Variants in NOS1AP observed in about 807,000 individuals in gnomAD.
NOS1AP encodes the protein carboxyl-terminal PDZ ligand of neuronal nitric oxide synthase protein.
A neutral mutation model predicts 56.2 loss-of-function variants in NOS1AP; 21 were observed. The observed-to-expected ratio is 0.37, with a 90% CI of 0.26 to 0.54. NOS1AP has a LOEUF of 0.54. NOS1AP is among the 20% of genes least tolerant of loss of function. The pLI is 0.84. For synonymous variants in NOS1AP, 270 were observed against 274.6 expected (o/e 0.98, Z 0.17); for missense variants, 522 against 657.8 (o/e 0.79, Z 2.26).
At position 162,258,128 on chromosome 1, in the gene NOS1AP, G is replaced by A. The variant is rs1243963648; in HGVS notation, c.178-29216G>A. On this transcript the variant is annotated intron_variant, in intron 2 of 9. Coordinates refer to ENST00000361897, the MANE Select transcript of NOS1AP (RefSeq NM_014697.3). ...TCTAGAGCTTTCTGCACAAGTGCTC[G>A]CTGCTCAGTCTCCCTCAGCCCTCAC... Among the ~76,000 whole-genome samples, 7 of 152,062 alleles carry A rather than the reference G, an allele frequency of 4.6e-5. No individual in the cohort carries two copies. In the East Asian group the frequency reaches 7.7e-4, roughly 17 times the overall value.
rs1648586987 is a variant in NOS1AP, at chr1:162,128,457, A to G, written c.106-25948A>G. On this transcript the variant is annotated intron_variant, in intron 1 of 9. Coordinates refer to ENST00000361897, the MANE Select transcript of NOS1AP (RefSeq NM_014697.3). ...CTCCTATAGTTCAATTCTAATCACA[A>G]AGTATTCATTTCTTATACATATATA... Among the ~76,000 whole-genome samples, 2 of 152,156 alleles carry G rather than the reference A, an allele frequency of 1.3e-5. 1 individual carries two copies. The highest frequency in any genetic ancestry group is 2.9e-5 in the Non-Finnish European group (2 of 68,016).
chr1:162,300,521 A>G, intron 3 of NOS1AP, 112 bp from the exon 4 acceptor site: 1 of 899,798 alleles, frequency 1.1e-6, no homozygotes, highest in Non-Finnish European at 1.9e-6. Context: ...CAGGCCTCTT[A>G]GAGGGAAAAA....
At chr1:162,219,007 C>T (rs1469666723) in intron 2 of NOS1AP, among the ~76,000 whole-genome samples, 1 of 152,058 alleles carries the variant, frequency 6.6e-6, no homozygotes, top group African/African-American at 2.4e-5. Context: ...GTGAAGGCCT[C>T]AGGTGCAGCA....
chr1:162,161,113 A>G (rs541746077), intron 2 of NOS1AP, among the ~76,000 whole-genome samples: 70 of 152,240 alleles, frequency 4.6e-4, no homozygotes, highest in African/African-American at 1.5e-3. Context: ...GCCTTTGGTT[A>G]TAAGGTCCCT....
chr1:162,186,231 C>G (rs1651427135), intron 2 of NOS1AP, among the ~76,000 whole-genome samples: 1 of 152,134 alleles, frequency 6.6e-6, no homozygotes, highest in African/African-American at 2.4e-5. Flanking sequence ...ATCCTAATGT[C>G]ATTGCATTTG....
chr1:162,291,156 CCT>C (rs1362670986), intron 3 of NOS1AP, among the ~76,000 whole-genome samples: 2 of 152,166 alleles, frequency 1.3e-5, no homozygotes, highest in Admixed American at 6.5e-5. Flanking sequence ...ATCCCAGCCT[CCT>C]CTCTCTCCCA....
intron 1 of NOS1AP, among the ~76,000 whole-genome samples, chr1:162,081,094 T>C (rs1244135531): frequency 1.3e-5 from 2 of 152,222 alleles, no homozygotes; most frequent in Admixed American, 6.5e-5. Context: ...GTTTATCAAG[T>C]GCTCACTGTG....
chr1:162,268,385 A>C (rs961688604), intron 2 of NOS1AP, among the ~76,000 whole-genome samples: 2 of 152,134 alleles, frequency 1.3e-5, no homozygotes, highest in South Asian at 4.1e-4. Flanking sequence ...CAGAGAAAAG[A>C]TCTCCAGGCC....
chr1:162,107,370 C>T (rs1373651520), intron 1 of NOS1AP, among the ~76,000 whole-genome samples: 1 of 152,214 alleles, frequency 6.6e-6, no homozygotes, highest in Admixed American at 6.5e-5. Flanking sequence ...GGGTCTTCCT[C>T]TGTCATTCAG....
rs555035774 is a variant in NOS1AP at position 162,360,629 on chromosome 1, G to A, written c.939+3493G>A. 87 of 352,000 alleles carry A rather than the reference G, an allele frequency of 2.5e-4. 1 individual carries two copies. The highest frequency in any genetic ancestry group is 1.4e-3 in the African/African-American group (65 of 46,754). The allele number at this position is 352,000 out of a possible 1,614,324, so 21.8% of individuals were successfully genotyped here. A position where few individuals can be genotyped will look rare whatever the true frequency, so the allele number is the denominator to read the frequency against. ...ACAAGGAATTGGTTATTTATGCTTC[G>A]CAATCATGTATGCTGTAGTTAGAGG... On this transcript the variant is annotated intron_variant, in intron 8 of 9. Coordinates refer to ENST00000361897, the MANE Select transcript of NOS1AP (RefSeq NM_014697.3).
chr1:162,130,314 G>A (rs1162165097), intron 1 of NOS1AP, among the ~76,000 whole-genome samples: 1 of 152,212 alleles, frequency 6.6e-6, no homozygotes, highest in African/African-American at 2.4e-5. Flanking sequence ...TTTGAATTCA[G>A]GTCTTTCCGA....
At chr1:162,287,517 A>T (rs1181051573) in intron 3 of NOS1AP, 81 bp downstream of exon 3, 1 of 893,140 alleles carries the variant, frequency 1.1e-6, no homozygotes, top group Non-Finnish European at 1.9e-6. Flanking sequence ...TTCTGGGCCC[A>T]CCTCCAGAGA....
intron 3 of NOS1AP, among the ~76,000 whole-genome samples, chr1:162,296,180 A>G (rs987269622): frequency 2.7e-5 from 4 of 150,226 alleles, no homozygotes; most frequent in African/African-American, 9.7e-5. Context: ...CCAACTACTC[A>G]GGAGACTGAG....
chr1:162,090,200 G>T (rs538029717), intron 1 of NOS1AP, among the ~76,000 whole-genome samples: 1 of 150,950 alleles, frequency 6.6e-6, no homozygotes, highest in South Asian at 2.1e-4. Flanking sequence ...CTTTGTATGC[G>T]AAAGGTCAAA....
At chr1:162,229,615 CCT>C (rs1437083890) in intron 2 of NOS1AP, among the ~76,000 whole-genome samples, 6 of 152,128 alleles carry the variant, frequency 3.9e-5, no homozygotes, top group African/African-American at 1.4e-4. Flanking sequence ...TCTCAACCAC[CCT>C]CTGTCCCACA....
intron 8 of NOS1AP, among the ~76,000 whole-genome samples, chr1:162,360,231 C>T (rs1469706252): frequency 3.3e-5 from 5 of 152,092 alleles, no homozygotes; most frequent in East Asian, 1.9e-4. Context: ...TAAGTATTTC[C>T]GGGTTAGACC....
chr1:162,178,109 T>G (rs1460577359), intron 2 of NOS1AP, among the ~76,000 whole-genome samples: 17 of 152,222 alleles, frequency 1.1e-4, no homozygotes, highest in Non-Finnish European at 2.4e-4. Flanking sequence ...TATGAATGGC[T>G]TTTTAGATTG....
intron 1 of NOS1AP, among the ~76,000 whole-genome samples, chr1:162,075,136 A>ATATCT (rs1343325681): frequency 6.6e-6 from 1 of 152,158 alleles, no homozygotes; most frequent in Non-Finnish European, 1.5e-5. Context: ...CTCTCTGCAT[A>ATATCT]TATCTTCTCT....
At chr1:162,120,132 C>T (rs1332121028) in intron 1 of NOS1AP, among the ~76,000 whole-genome samples, 1 of 151,108 alleles carries the variant, frequency 6.6e-6, no homozygotes, top group Non-Finnish European at 1.5e-5. Flanking sequence ...GATATATACA[C>T]ATGTATGTGT....
Sources: allele counts gnomAD v4.1 joint callset (sites outside exome capture counted in the v4.1 genomes callset), GRCh38; gene constraint gnomAD v4.1.1; transcripts MANE v1.5; gene names NCBI Gene and HGNC (gene_info 2026-07-23, HGNC 2026-07-21).